The following LYN variants were observed in gnomAD, a reference collection of about 807,000 sequenced individuals.
The protein encoded by LYN is LYN proto-oncogene, Src family tyrosine kinase.
In LYN, 12 loss-of-function variants were observed where a neutral mutation model predicts 65.0. The ratio of observed to expected loss-of-function variants is 0.18; its 90% confidence interval spans 0.12 to 0.30. LYN has a LOEUF of 0.30. Among genes scored for constraint, LYN ranks in the 10% least tolerant of loss-of-function variants. LYN has a pLI of 1.00. For missense variants in LYN, 380 were observed against 623.2 expected (o/e 0.61, Z 4.16); for synonymous variants, 222 against 221.2 (o/e 1.00, Z -0.03).
chr8:55,904,795 G>T (rs1268028172), intron 1 of LYN, among the ~76,000 whole-genome samples: 1 of 152,086 alleles, frequency 6.6e-6, no homozygotes, highest in Admixed American at 6.6e-5. Flanking sequence ...CCATTGCTAT[G>T]ATTTCAATTC....
At chr8:55,936,983 C>A (rs569969174) in intron 1 of LYN, among the ~76,000 whole-genome samples, 2 of 152,056 alleles carry the variant, frequency 1.3e-5, no homozygotes, top group Non-Finnish European at 2.9e-5. Context: ...CTACCCCCCA[C>A]GTCTTTTGTC....
intron 10 of LYN, among the ~76,000 whole-genome samples, chr8:55,984,069 C>T (rs1470934598): frequency 6.6e-6 from 1 of 152,188 alleles, no homozygotes. Flanking sequence ...CCACCTCTGT[C>T]TTCCGGTGGC....
At chr8:55,993,644 G>A (rs187330285) in intron 10 of LYN, among the ~76,000 whole-genome samples, 1 of 152,176 alleles carries the variant, frequency 6.6e-6, no homozygotes, top group Non-Finnish European at 1.5e-5. Flanking sequence ...TGGTCAATTT[G>A]CTATTAAGAT....
At position 55,922,368 on chromosome 8, in the gene LYN, G is replaced by T. The variant is rs941815887; in HGVS notation, c.-5-19487G>T. ...GCCTCCCCAAGTGCTGGGATTATAGGCATGAGCCACCACACCTGGCTGACA... is the reference window on the plus strand; with the variant it reads ...GCCTCCCCAAGTGCTGGGATTATAGTCATGAGCCACCACACCTGGCTGACA... On this transcript the variant is annotated intron_variant, in intron 1 of 12. Transcript: ENST00000519728. Among the ~76,000 whole-genome samples the T allele has an allele frequency of 3.9e-5, 6 of 152,088 alleles. No individual in the cohort carries two copies. The East Asian group carries it at 7.7e-4, about 20-fold the overall frequency.
chr8:55,910,899 GTT>G (rs767304702), intron 1 of LYN, among the ~76,000 whole-genome samples: 5 of 123,408 alleles, frequency 4.1e-5, no homozygotes, highest in Non-Finnish European at 3.5e-5. Context: ...TACTAATTTT[GTT>G]TTTTTTTTTT....
At chr8:55,910,271 T>G (rs1183411556) in intron 1 of LYN, among the ~76,000 whole-genome samples, 1 of 152,224 alleles carries the variant, frequency 6.6e-6, no homozygotes, top group Non-Finnish European at 1.5e-5. Flanking sequence ...AGTATTTTTA[T>G]GCTTTCATGT....
In LYN at chr8:55,966,718, A is replaced by T. The variant is rs1265583163; in HGVS notation, c.794A>T (p.Tyr265Phe). 1 of 1,610,754 alleles carries T rather than the reference A, an allele frequency of 6.2e-7. No homozygotes were observed. The highest frequency in any genetic ancestry group is 2.2e-5 in the East Asian group (1 of 44,858). Reference sequence around the variant, plus strand: ...CCGCCTTCTTTTTTCTTCCTAGGTTACTATAACAACAGTACCAAGGTGGCT... The same window carrying T: ...CCGCCTTCTTTTTTCTTCCTAGGTTTCTATAACAACAGTACCAAGGTGGCT... Reference protein sequence around the residue: ...AGQFGEVWMGYYNNSTKVAVK... With the variant: ...AGQFGEVWMGFYNNSTKVAVK... The change falls in exon 9 of 13, where the codon TAC becomes TTC. Residue 265 changes from tyrosine to phenylalanine, a missense_variant. This residue lies in a region of LYN where 223 missense variants were observed against 430.0 expected (regional missense o/e 0.52). Coordinates refer to ENST00000519728, the MANE Select transcript of LYN (RefSeq NM_002350.4).
intron 1 of LYN, among the ~76,000 whole-genome samples, chr8:55,911,078 CATACAT>C (rs1173275924): frequency 6.5e-3 from 37 of 5,668 alleles, no homozygotes; most frequent in Middle Eastern, 0.071. Context: ...TATATATATA[CATACAT>C]ATATATATAT....
In LYN at chr8:55,888,830, G is replaced by A. The variant is rs1000812753; in HGVS notation, c.-6+8727G>A. Among the ~76,000 whole-genome samples, 15 of 151,956 alleles carry A rather than the reference G, an allele frequency of 9.9e-5. No homozygotes were observed. In the South Asian group the frequency reaches 1.0e-3, roughly 11 times the overall value. On this transcript the variant is annotated intron_variant, in intron 1 of 12. Transcript: ENST00000519728. ...CACTCACCAGGGATTTGGCCACCAC[G>A]CCTGGCCGAATCCCTGGTTTTAAGC...
chr8:56,008,676 C>G (rs1278589196), intron 12 of LYN, among the ~76,000 whole-genome samples: 1 of 152,114 alleles, frequency 6.6e-6, no homozygotes, highest in Admixed American at 6.6e-5. Flanking sequence ...GACATTTGAC[C>G]ACATTAAAAA....
At chr8:55,917,010 C>T (rs547153174) in intron 1 of LYN, among the ~76,000 whole-genome samples, 3 of 152,060 alleles carry the variant, frequency 2.0e-5, no homozygotes, top group African/African-American at 7.2e-5. Flanking sequence ...AACCCCGTCT[C>T]TACTAAAAAT....
intron 8 of LYN, among the ~76,000 whole-genome samples, chr8:55,966,111 C>T (rs1357171825): frequency 3.9e-5 from 6 of 151,920 alleles, no homozygotes; most frequent in Non-Finnish European, 8.8e-5. Flanking sequence ...GGCGACAGAG[C>T]AAGACGTAGT....
At chr8:55,942,157 A>C (rs1031603004) in intron 2 of LYN, among the ~76,000 whole-genome samples, 166 bp downstream of exon 2, 2 of 152,010 alleles carry the variant, frequency 1.3e-5, no homozygotes, top group African/African-American at 4.8e-5. Flanking sequence ...AGAATGTATA[A>C]ATATTTTAGG....
intron 1 of LYN, among the ~76,000 whole-genome samples, chr8:55,923,828 C>T (rs1305990263): frequency 2.0e-5 from 3 of 151,824 alleles, no homozygotes; most frequent in Non-Finnish European, 2.9e-5. Context: ...CGTGAGCCAC[C>T]GCGCCCGGCC....
At chr8:55,955,321 A>T (rs1044060628) in intron 8 of LYN, 7 of 152,250 alleles carry the variant, frequency 4.6e-5, no homozygotes, top group African/African-American at 1.4e-4. Flanking sequence ...TATTTGCAGA[A>T]TTCAGGTAAA....
chr8:55,942,161 T>C (rs1806629880), intron 2 of LYN, among the ~76,000 whole-genome samples, 170 bp downstream of exon 2: 1 of 152,018 alleles, frequency 6.6e-6, no homozygotes, highest in South Asian at 2.1e-4. Flanking sequence ...TGTATAAATA[T>C]TTTAGGGATA....
chr8:55,935,948 A>G (rs546077718), intron 1 of LYN, among the ~76,000 whole-genome samples: 40 of 152,238 alleles, frequency 2.6e-4, no homozygotes, highest in African/African-American at 8.7e-4. Flanking sequence ...TGTCACTTTG[A>G]TAAGCAGTTT....
chr8:55,962,150 T>G (rs1199254365), intron 8 of LYN, among the ~76,000 whole-genome samples: 2 of 152,210 alleles, frequency 1.3e-5, no homozygotes, highest in Non-Finnish European at 2.9e-5. Context: ...CCATGTGGTG[T>G]TGGTAAGATA....
chr8:55,882,881 A>G (rs998545860), intron 1 of LYN, among the ~76,000 whole-genome samples: 1 of 152,114 alleles, frequency 6.6e-6, no homozygotes, highest in African/African-American at 2.4e-5. Flanking sequence ...CTACTTGTCC[A>G]CCTTTGGACT....
Sources: allele counts gnomAD v4.1 joint callset (sites outside exome capture counted in the v4.1 genomes callset), GRCh38; gene constraint gnomAD v4.1.1; regional missense constraint gnomAD v4.1.1; transcripts MANE v1.5; gene names NCBI Gene and HGNC (gene_info 2026-07-23, HGNC 2026-07-21).